The following ROBO2 variants were observed in gnomAD, a reference collection of about 807,000 sequenced individuals.
ROBO2 encodes the protein roundabout homolog 2.
A neutral mutation model predicts 160.8 loss-of-function variants in ROBO2; 53 were observed. That is an observed-to-expected ratio of 0.33 (90% confidence interval 0.26 to 0.41). ROBO2 has a LOEUF of 0.41. Among genes scored for constraint, ROBO2 ranks in the 10% least tolerant of loss-of-function variants. The pLI, the probability that ROBO2 is intolerant of heterozygous loss-of-function variation, is 1.00. For missense variants in ROBO2, 1,577 were observed against 1,722.4 expected, an observed-to-expected ratio of 0.92 and a Z score of 1.49; for synonymous variants, 664 against 611.7, an observed-to-expected ratio of 1.09 and a Z score of -1.26.
At chr3:76,456,813 G>T (rs904785647) in intron 2 of ROBO2, among the ~76,000 whole-genome samples, 2 of 152,138 alleles carry the variant, frequency 1.3e-5, no homozygotes, top group Non-Finnish European at 2.9e-5. Context: ...TCAAAATCAT[G>T]GTGGGAGGCG....
chr3:76,730,396 T>C (rs1212318562), intron 2 of ROBO2, among the ~76,000 whole-genome samples: 2 of 29,748 alleles, frequency 6.7e-5, no homozygotes, highest in Non-Finnish European at 5.9e-5. Flanking sequence ...CCCTACCCGC[T>C]TCTCCTCACC....
chr3:76,991,912 A>T (rs1187978037), intron 2 of ROBO2, among the ~76,000 whole-genome samples: 1 of 152,146 alleles, frequency 6.6e-6, no homozygotes, highest in Non-Finnish European at 1.5e-5. Flanking sequence ...GGGTTATCTG[A>T]AAAGCCTTTA....
At chr3:76,860,924 T>C (rs2070709257) in intron 2 of ROBO2, among the ~76,000 whole-genome samples, 1 of 152,150 alleles carries the variant, frequency 6.6e-6, no homozygotes, top group African/African-American at 2.4e-5. Flanking sequence ...TATGTGTGTT[T>C]GATAAAAGGA....
chr3:77,326,379 A>T (rs1237023398), intron 2 of ROBO2, among the ~76,000 whole-genome samples: 1 of 152,214 alleles, frequency 6.6e-6, no homozygotes, highest in Non-Finnish European at 1.5e-5. Context: ...ATCTCAGTTT[A>T]CCACTCTGTT....
Position 76,172,101 on chromosome 3 carries a change from C to T in ROBO2, c.109+234499C>T, listed in dbSNP as rs144255535. The stretch of plus-strand genomic sequence containing the variant: ...TTTAAACTGCTATTGAAAACCACTG[C>T]CCATGCGATAGTTTGCTGAGAATGA... On this transcript the variant is annotated intron_variant, in intron 2 of 26. Coordinates refer to the ROBO2 transcript ENST00000487694. Among the ~76,000 whole-genome samples, 983 of 152,164 alleles carry T rather than the reference C, an allele frequency of 6.5e-3. 14 individuals carry two copies. Among genetic ancestry groups the T allele is most frequent in the Non-Finnish European group, 8.4e-3 (572 of 67,990 alleles).
intron 2 of ROBO2, among the ~76,000 whole-genome samples, chr3:76,929,824 G>C (rs1003236751): frequency 6.6e-6 from 1 of 152,202 alleles, no homozygotes; most frequent in East Asian, 1.9e-4. Context: ...CAATGTCTGT[G>C]AATCTCAGGG....
intron 2 of ROBO2, among the ~76,000 whole-genome samples, chr3:76,415,295 A>G (rs2108872608): frequency 6.6e-6 from 1 of 152,290 alleles, no homozygotes; most frequent in Non-Finnish European, 1.5e-5. Context: ...CTTGAGACTA[A>G]ATGAAGGGTA....
chr3:76,410,665 TAGA>T lies in ROBO2; in HGVS notation c.109+473070_109+473072del, dbSNP rs1292971316. On this transcript the variant is annotated intron_variant, in intron 2 of 26. Coordinates refer to the ROBO2 transcript ENST00000487694. Reference sequence around the variant, plus strand: ...ATATAAGTTTGAACACCCGATTATGTAGAAGAAGAGAAATGTTTCTGCTTATTG... The same window carrying T: ...ATATAAGTTTGAACACCCGATTATGTAGAAGAGAAATGTTTCTGCTTATTG... Among the ~76,000 whole-genome samples the T allele has an allele frequency of 2.6e-5, 4 of 152,298 alleles. No individual in the cohort carries two copies. The East Asian group carries it at 5.8e-4, about 22-fold the overall frequency.
intron 2 of ROBO2, among the ~76,000 whole-genome samples, chr3:77,347,817 A>G (rs2067837502): frequency 6.6e-6 from 1 of 152,004 alleles, no homozygotes; most frequent in Admixed American, 6.6e-5. Context: ...TCTCTCATGT[A>G]TGTGTTAATT....
intron 2 of ROBO2, among the ~76,000 whole-genome samples, chr3:77,344,675 G>A (rs1257095844): frequency 6.6e-6 from 1 of 152,024 alleles, no homozygotes; most frequent in African/African-American, 2.4e-5. Context: ...TTTTGTTATA[G>A]CAGCCCAAAT....
intron 2 of ROBO2, among the ~76,000 whole-genome samples, chr3:76,025,147 T>C (rs1317180294): frequency 6.6e-6 from 1 of 151,582 alleles, no homozygotes; most frequent in Admixed American, 6.6e-5. Flanking sequence ...CCTCCAAGAA[T>C]TTTTTGCAGA....
chr3:76,994,588 A>G (rs2060880947), intron 2 of ROBO2, among the ~76,000 whole-genome samples: 1 of 152,200 alleles, frequency 6.6e-6, no homozygotes, highest in South Asian at 2.1e-4. Flanking sequence ...AGCAAGTAAG[A>G]AATTCTTATT....
chr3:76,200,514 T>G (rs989103595), intron 2 of ROBO2, among the ~76,000 whole-genome samples: 3 of 152,154 alleles, frequency 2.0e-5, no homozygotes, highest in African/African-American at 7.2e-5. Context: ...GAGTGACATA[T>G]TCTGGTACCT....
intron 2 of ROBO2, among the ~76,000 whole-genome samples, chr3:76,323,250 T>C (rs1279039770): frequency 1.3e-5 from 2 of 152,006 alleles, no homozygotes; most frequent in African/African-American, 4.8e-5. Flanking sequence ...TTTCCAAGTA[T>C]AATCTTATTT....
At chr3:76,838,149 A>G (rs982632353) in intron 2 of ROBO2, among the ~76,000 whole-genome samples, 1 of 152,126 alleles carries the variant, frequency 6.6e-6, no homozygotes, top group Non-Finnish European at 1.5e-5. Flanking sequence ...ACCGAATACC[A>G]TGTTCTCACT....
intron 2 of ROBO2, among the ~76,000 whole-genome samples, chr3:76,020,163 G>T (rs546716098): frequency 6.6e-6 from 1 of 151,984 alleles, no homozygotes; most frequent in South Asian, 2.1e-4. Context: ...GTGCCTTAAA[G>T]ACTTTGCTCT....
intron 2 of ROBO2, among the ~76,000 whole-genome samples, chr3:76,155,228 A>C (rs1299508441): frequency 2.0e-5 from 3 of 152,174 alleles, no homozygotes; most frequent in Non-Finnish European, 4.4e-5. Context: ...CGATATCACT[A>C]AAAGAAAGAC....
At chr3:76,708,973 C>T (rs2093230046) in intron 2 of ROBO2, among the ~76,000 whole-genome samples, 1 of 152,098 alleles carries the variant, frequency 6.6e-6, no homozygotes, top group Non-Finnish European at 1.5e-5. Context: ...TCCTTGGGTT[C>T]TCTTTTGGAC....
At chr3:77,040,633 C>T (rs2149608994) in exon 1 of ROBO2, 1 of 1,512,520 alleles carries the variant, frequency 6.6e-7, no homozygotes, top group East Asian at 2.4e-5. Context: ...TCCACCAACC[C>T]CTTCTGATCT....
Sources: allele counts gnomAD v4.1 joint callset (sites outside exome capture counted in the v4.1 genomes callset), GRCh38; gene constraint gnomAD v4.1.1; transcripts MANE v1.5; gene names NCBI Gene and HGNC (gene_info 2026-07-23, HGNC 2026-07-21).